Variants in DCLK1 observed in about 807,000 individuals in gnomAD.
The protein encoded by DCLK1 is doublecortin like kinase 1.
A neutral mutation model predicts 86.2 loss-of-function variants in DCLK1; 16 were observed. The observed-to-expected ratio is 0.19, with a 90% CI of 0.13 to 0.28. The LOEUF (loss-of-function observed/expected upper bound fraction) is 0.28, where lower values mean the gene tolerates loss of function less well. Ranked by LOEUF, DCLK1 falls within the 10% of genes least tolerant of loss-of-function variation. The pLI, the probability that DCLK1 is intolerant of heterozygous loss-of-function variation, is 1.00. For missense variants in DCLK1, 590 were observed against 940.2 expected, an observed-to-expected ratio of 0.63 and a Z score of 4.87; for synonymous variants, 369 against 370.5, an observed-to-expected ratio of 1.00 and a Z score of 0.05.
intron 3 of DCLK1, among the ~76,000 whole-genome samples, chr13:36,103,404 TAAAA>T (rs71084406): frequency 2.8e-5 from 3 of 109,088 alleles, no homozygotes; most frequent in Admixed American, 1.0e-4. Flanking sequence ...ACACCTGTCT[TAAAA>T]AAAAAAAAAA....
At chr13:35,849,866 GA>G (rs1241496180) in intron 6 of DCLK1, 23,937 of 679,268 alleles carry the variant, frequency 0.035, 144 homozygotes, top group African/African-American at 0.078. Flanking sequence ...GGTCTGTATG[GA>G]AAAAAAAAAA....
intron 6 of DCLK1, chr13:35,848,084 A>G (rs1870343501): frequency 1.0e-6 from 1 of 985,344 alleles, no homozygotes. Context: ...GTGCAAGTGA[A>G]AAAGTATCGA....
chr13:35,959,765 C>T (rs1309600335), intron 3 of DCLK1, among the ~76,000 whole-genome samples: 1 of 152,008 alleles, frequency 6.6e-6, no homozygotes, highest in Non-Finnish European at 1.5e-5. Flanking sequence ...GACACTTCAG[C>T]TCCTGTAATT....
At chr13:36,050,516 ATTTGGT>A (rs1883085884) in intron 3 of DCLK1, among the ~76,000 whole-genome samples, 1 of 152,152 alleles carries the variant, frequency 6.6e-6, no homozygotes, top group African/African-American at 2.4e-5. Context: ...CAAAATCCTA[ATTTGGT>A]TTGCAACCTT....
intron 2 of DCLK1, among the ~76,000 whole-genome samples, chr13:36,121,687 G>A (rs1885998992): frequency 6.6e-6 from 1 of 152,178 alleles, no homozygotes; most frequent in Non-Finnish European, 1.5e-5. Flanking sequence ...AGTATACACA[G>A]GGTTCAGTAC....
At chr13:35,791,891 T>C (rs890075009) in intron 16 of DCLK1, among the ~76,000 whole-genome samples, 3 of 152,284 alleles carry the variant, frequency 2.0e-5, no homozygotes, top group Admixed American at 6.5e-5. Flanking sequence ...TGGAATCAAA[T>C]GTTTGGAATA....
At chr13:36,016,200 C>CTAA (rs1277729991) in intron 3 of DCLK1, among the ~76,000 whole-genome samples, 4 of 152,152 alleles carry the variant, frequency 2.6e-5, no homozygotes, top group Non-Finnish European at 5.9e-5. Context: ...CAGGCACAGA[C>CTAA]TAATGGAAAG....
chr13:35,802,926 G>A (rs779706530), intron 15 of DCLK1, among the ~76,000 whole-genome samples: 45 of 152,196 alleles, frequency 3.0e-4, no homozygotes, highest in South Asian at 1.0e-3. Flanking sequence ...CTTCCTCCCC[G>A]CACAGCTAAG....
intron 3 of DCLK1, among the ~76,000 whole-genome samples, chr13:36,058,405 G>A (rs1566663647): frequency 6.6e-6 from 1 of 152,146 alleles, no homozygotes; most frequent in East Asian, 1.9e-4. Context: ...TTAGTGCCAA[G>A]GGCAGGATCA....
intron 3 of DCLK1, among the ~76,000 whole-genome samples, chr13:36,051,176 A>C (rs1883110394): frequency 6.6e-6 from 1 of 152,156 alleles, no homozygotes; most frequent in African/African-American, 2.4e-5. Flanking sequence ...CCATAATCAA[A>C]ACATTTTTCT....
intron 6 of DCLK1, chr13:35,850,111 T>A: frequency 1.0e-6 from 1 of 985,188 alleles, no homozygotes; most frequent in Non-Finnish European, 1.2e-6. Flanking sequence ...GTCGTTGTCA[T>A]AATTTTTCTT....
At chr13:35,926,985 C>T (rs542851568) in intron 4 of DCLK1, among the ~76,000 whole-genome samples, 33 of 152,304 alleles carry the variant, frequency 2.2e-4, no homozygotes, top group African/African-American at 7.2e-4. Context: ...TGGAAGTCAG[C>T]AGCTTTTGGA....
chr13:35,958,463 A>G (rs1237651348), intron 3 of DCLK1, among the ~76,000 whole-genome samples: 2 of 151,328 alleles, frequency 1.3e-5, no homozygotes, highest in African/African-American at 4.9e-5. Context: ...AACCACTATC[A>G]CCACCACTAT....
intron 3 of DCLK1, among the ~76,000 whole-genome samples, chr13:35,977,635 G>A (rs1879414535): frequency 6.6e-6 from 1 of 151,944 alleles, no homozygotes; most frequent in African/African-American, 2.4e-5. Flanking sequence ...AATGAATGAG[G>A]AAATTACCTA....
At chr13:36,115,998 G>A (rs1373892214) in intron 2 of DCLK1, among the ~76,000 whole-genome samples, 1 of 151,456 alleles carries the variant, frequency 6.6e-6, no homozygotes, top group African/African-American at 2.4e-5. Context: ...CACCCAGGCT[G>A]GAGTGCAGTG....
Position 36,025,838 on chromosome 13 carries a change from G to T in DCLK1, c.724-78381C>A, listed in dbSNP as rs61948284. On this transcript the variant is annotated intron_variant, in intron 3 of 16. Transcript: ENST00000360631. ...TTAAAATATAAAAAAAAATTTAGACGTGATTTAATCTGTTTCCAAAAGATC... is the reference window on the plus strand; with the variant it reads ...TTAAAATATAAAAAAAAATTTAGACTTGATTTAATCTGTTTCCAAAAGATC... Among the ~76,000 whole-genome samples the T allele has an allele frequency of 2.4e-4, 37 of 152,144 alleles. 1 individual carries two copies. The South Asian group carries it at 7.7e-3, about 32-fold the overall frequency.
intron 5 of DCLK1, among the ~76,000 whole-genome samples, chr13:35,860,313 AG>A (rs956158362): frequency 1.2e-4 from 18 of 147,672 alleles, no homozygotes; most frequent in Middle Eastern, 3.2e-3. Flanking sequence ...AAAAAAATGC[AG>A]GGGGTGGGGG....
chr13:36,074,390 G>A (rs1194548811), intron 3 of DCLK1, among the ~76,000 whole-genome samples: 1 of 146,790 alleles, frequency 6.8e-6, no homozygotes, highest in Admixed American at 6.9e-5. Context: ...TCAGGAGGCT[G>A]AGGCAGGAGA....
chr13:35,844,603 C>G (rs1870043538), intron 6 of DCLK1, among the ~76,000 whole-genome samples: 1 of 152,158 alleles, frequency 6.6e-6, no homozygotes. Context: ...ACTGTATTTC[C>G]TCTGGATAGA....
Sources: allele counts gnomAD v4.1 joint callset (sites outside exome capture counted in the v4.1 genomes callset), GRCh38; gene constraint gnomAD v4.1.1; transcripts MANE v1.5; gene names NCBI Gene and HGNC (gene_info 2026-07-23, HGNC 2026-07-21).